FHIT: variants seen among roughly 807,000 people sequenced by gnomAD.
FHIT encodes bis(5'-adenosyl)-triphosphatase.
FHIT carries 19 observed loss-of-function variants against 17.9 expected under a neutral mutation model. That is an observed-to-expected ratio of 1.06 (90% confidence interval 0.74 to 1.56). The LOEUF is 1.56. Among genes scored for constraint, FHIT ranks in the 40% most tolerant of loss-of-function variants. The pLI, the probability that FHIT is intolerant of heterozygous loss-of-function variation, is 0.00. For missense variants in FHIT, 248 were observed against 189.2 expected, an observed-to-expected ratio of 1.31 and a Z score of -1.82; for synonymous variants, 81 against 69.7, an observed-to-expected ratio of 1.16 and a Z score of -0.81.
At chr3:60,099,159 C>T (rs1279598545) in intron 5 of FHIT, among the ~76,000 whole-genome samples, 1 of 152,172 alleles carries the variant, frequency 6.6e-6, no homozygotes. Context: ...ATACCCCATA[C>T]TTGTCTCCTA....
At chr3:60,747,006 T>C (rs1274434365) in intron 4 of FHIT, among the ~76,000 whole-genome samples, 7 of 152,134 alleles carry the variant, frequency 4.6e-5, no homozygotes, top group African/African-American at 1.7e-4. Context: ...CCAGGCATGA[T>C]TAACAGTAGA....
At chr3:60,752,933 T>A (rs562705061) in intron 4 of FHIT, among the ~76,000 whole-genome samples, 10 of 152,206 alleles carry the variant, frequency 6.6e-5, no homozygotes, top group Non-Finnish European at 1.2e-4. Context: ...CCGTTAGGCA[T>A]CTGTCGTGCT....
At chr3:60,980,743 A>G (rs79475022) in intron 3 of FHIT, among the ~76,000 whole-genome samples, 163 of 152,354 alleles carry the variant, frequency 1.1e-3, no homozygotes, top group Non-Finnish European at 1.5e-3. Context: ...GTGTGCCTCA[A>G]TATAAACTGT....
intron 2 of FHIT, among the ~76,000 whole-genome samples, chr3:61,100,390 T>C (rs906242074): frequency 5.3e-5 from 8 of 152,194 alleles, no homozygotes; most frequent in East Asian, 1.9e-4. Context: ...GGACATGAAA[T>C]TATCCTTTTT....
intron 5 of FHIT, among the ~76,000 whole-genome samples, chr3:60,312,378 G>C (rs577654874): frequency 1.2e-3 from 181 of 152,196 alleles, no homozygotes; most frequent in African/African-American, 4.1e-3. Flanking sequence ...CTGAGCACAA[G>C]TGATCCTCCT....
At chr3:59,997,087 G>A (rs563932754) in intron 7 of FHIT, among the ~76,000 whole-genome samples, 13 of 152,146 alleles carry the variant, frequency 8.5e-5, no homozygotes, top group East Asian at 5.8e-4. Context: ...TCTAAGTACC[G>A]CAATAAATAC....
At chr3:61,204,943 T>A (rs1454235519) in intron 1 of FHIT, among the ~76,000 whole-genome samples, 2 of 151,670 alleles carry the variant, frequency 1.3e-5, no homozygotes, top group Non-Finnish European at 2.9e-5. Context: ...CATCTAGCAT[T>A]AGGTATATCT....
At chr3:60,676,893 G>C (rs2040633076) in intron 4 of FHIT, among the ~76,000 whole-genome samples, 1 of 151,872 alleles carries the variant, frequency 6.6e-6, no homozygotes, top group Non-Finnish European at 1.5e-5. Flanking sequence ...TGTTGTTTTT[G>C]AGACAGGGTC....
At chr3:60,320,041 AT>A (rs1307264452) in intron 5 of FHIT, among the ~76,000 whole-genome samples, 1 of 152,022 alleles carries the variant, frequency 6.6e-6, no homozygotes, top group Non-Finnish European at 1.5e-5. Context: ...TTATATCTTA[AT>A]TTCTCCCACA....
At chr3:60,154,518 G>C (rs6776492) in intron 5 of FHIT, among the ~76,000 whole-genome samples, 109,349 of 152,100 alleles carry the variant, frequency 0.72, 40,861 homozygotes, top group Non-Finnish European at 0.83. Context: ...AAGATGACAA[G>C]AGGTATATTG....
intron 3 of FHIT, among the ~76,000 whole-genome samples, chr3:60,852,220 A>T (rs1469640240): frequency 6.6e-6 from 1 of 151,974 alleles, no homozygotes; most frequent in Non-Finnish European, 1.5e-5. Context: ...CTGCCTTTGG[A>T]CTCTAACTGA....
intron 2 of FHIT, among the ~76,000 whole-genome samples, chr3:61,083,893 T>C (rs1179347353): frequency 6.6e-6 from 1 of 152,224 alleles, no homozygotes; most frequent in Non-Finnish European, 1.5e-5. Context: ...CATTTATTTA[T>C]CCATTCATCA....
chr3:60,526,419 G>A (rs1444746159), intron 5 of FHIT, among the ~76,000 whole-genome samples: 1 of 152,130 alleles, frequency 6.6e-6, no homozygotes, highest in Non-Finnish European at 1.5e-5. Flanking sequence ...ATCTACCTGA[G>A]CAACCTAGTG....
intron 4 of FHIT, among the ~76,000 whole-genome samples, chr3:60,665,419 G>A (rs1169967262): frequency 2.0e-5 from 3 of 151,858 alleles, no homozygotes; most frequent in African/African-American, 4.8e-5. Flanking sequence ...TTCTCTTTCA[G>A]TTCTATCAGT....
chr3:60,569,751 ATATATTTTT>A (rs540427484), intron 4 of FHIT, among the ~76,000 whole-genome samples: 3 of 69,768 alleles, frequency 4.3e-5, no homozygotes, highest in South Asian at 5.5e-4. Flanking sequence ...ATATATATAT[ATATATTTTT>A]TTTTTTTTTA....
chr3:60,088,163 T>G (rs1036635992), intron 5 of FHIT, among the ~76,000 whole-genome samples: 1 of 152,164 alleles, frequency 6.6e-6, no homozygotes, highest in African/African-American at 2.4e-5. Context: ...ATTAGTTCCC[T>G]TGGGAATTAA....
chr3:61,243,215 C>T (rs886543164), intron 1 of FHIT, among the ~76,000 whole-genome samples: 1 of 152,148 alleles, frequency 6.6e-6, no homozygotes, highest in Admixed American at 6.5e-5. Flanking sequence ...AGTTTCTTCT[C>T]CACATAATAT....
intron 5 of FHIT, among the ~76,000 whole-genome samples, chr3:60,015,774 G>C (rs918534107): frequency 6.6e-6 from 1 of 152,170 alleles, no homozygotes; most frequent in Non-Finnish European, 1.5e-5. Flanking sequence ...ATGGCTTACT[G>C]TGAAAACTGG....
chr3:60,847,632 T>A (rs2106895585), intron 3 of FHIT, among the ~76,000 whole-genome samples: 1 of 152,246 alleles, frequency 6.6e-6, no homozygotes, highest in South Asian at 2.1e-4. Flanking sequence ...ACAAGCCCCT[T>A]TTACTGCCAC....
Sources: gnomAD v4.1 joint callset for allele counts (sites outside exome capture counted in the v4.1 genomes callset) on GRCh38, gnomAD v4.1.1 for gene constraint, MANE v1.5 for transcripts, NCBI Gene and HGNC (gene_info 2026-07-23, HGNC 2026-07-21) for gene names.